FHIT: variants seen among roughly 807,000 people sequenced by gnomAD.
FHIT encodes fragile histidine triad diadenosine triphosphatase, also known as bis(5'-adenosyl)-triphosphatase.
Under a neutral mutation model 17.9 loss-of-function variants are expected in FHIT, and 19 were observed. The ratio of observed to expected loss-of-function variants is 1.06; its 90% CI spans 0.74 to 1.56. FHIT has a LOEUF of 1.56. Among genes scored for constraint, FHIT ranks in the 40% most tolerant of loss-of-function variants. The pLI is 0.00. For missense variants in FHIT, 248 were observed against 189.2 expected, an observed-to-expected ratio of 1.31 and a Z score of -1.82; for synonymous variants, 81 against 69.7, an observed-to-expected ratio of 1.16 and a Z score of -0.81.
At chr3:61,013,813 T>C (rs546406456) in intron 3 of FHIT, among the ~76,000 whole-genome samples, 18 of 152,210 alleles carry the variant, frequency 1.2e-4, no homozygotes, top group Non-Finnish European at 2.2e-4. Context: ...ATATAGTCCC[T>C]GCCTCAACAG....
chr3:60,264,357 T>C (rs1490514731), intron 5 of FHIT, among the ~76,000 whole-genome samples: 1 of 148,508 alleles, frequency 6.7e-6, no homozygotes, highest in Non-Finnish European at 1.5e-5. Flanking sequence ...AAAGCCTTCC[T>C]ACCAATAGTT....
intron 5 of FHIT, among the ~76,000 whole-genome samples, chr3:60,518,266 G>A (rs781373964): frequency 1.8e-4 from 28 of 152,074 alleles, no homozygotes; most frequent in Non-Finnish European, 1.0e-4. Flanking sequence ...GGGTTAATTC[G>A]TAAAAGATCT....
chr3:60,405,206 C>T (rs1203349664), intron 5 of FHIT, among the ~76,000 whole-genome samples: 1 of 152,218 alleles, frequency 6.6e-6, no homozygotes, highest in African/African-American at 2.4e-5. Flanking sequence ...CCATTTGGCA[C>T]ACTTTCCTCT....
At chr3:60,586,260 G>A (rs1553661889) in intron 4 of FHIT, among the ~76,000 whole-genome samples, 1 of 151,974 alleles carries the variant, frequency 6.6e-6, no homozygotes, top group Non-Finnish European at 1.5e-5. Context: ...TAGGAGGACA[G>A]CAATCCTGTG....
At chr3:60,970,022 C>T (rs1709932065) in intron 3 of FHIT, among the ~76,000 whole-genome samples, 1 of 152,058 alleles carries the variant, frequency 6.6e-6, no homozygotes, top group African/African-American at 2.4e-5. Flanking sequence ...TGGGGTTTCG[C>T]CATGTTTTCC....
intron 3 of FHIT, among the ~76,000 whole-genome samples, chr3:61,006,120 G>C (rs1039692472): frequency 6.6e-6 from 1 of 152,044 alleles, no homozygotes; most frequent in African/African-American, 2.4e-5. Context: ...AAAATAAAGA[G>C]CTTGGTAAAC....
At chr3:60,881,661 C>T (rs1260374358) in intron 3 of FHIT, among the ~76,000 whole-genome samples, 1 of 151,976 alleles carries the variant, frequency 6.6e-6, no homozygotes, top group Non-Finnish European at 1.5e-5. Context: ...CAACATGCTC[C>T]TGTATAACCA....
chr3:59,918,646 A>G (rs755955210), intron 8 of FHIT, among the ~76,000 whole-genome samples: 1 of 152,184 alleles, frequency 6.6e-6, no homozygotes, highest in Non-Finnish European at 1.5e-5. Context: ...AGTAGCAGAG[A>G]GAAGAGGAGC....
chr3:61,208,793 A>T (rs1346634622), intron 1 of FHIT, among the ~76,000 whole-genome samples: 1 of 152,012 alleles, frequency 6.6e-6, no homozygotes, highest in African/African-American at 2.4e-5. Flanking sequence ...GTGTCTTTTA[A>T]TTGGAGCATT....
In FHIT at chr3:61,196,493, T is replaced by C. The variant is rs1261438746; in HGVS notation, c.-164+4124A>G. 3.9e-5 allele frequency among the ~76,000 whole-genome samples: 6 copies of C among 152,108 alleles called. No homozygotes were observed. The East Asian group carries it at 1.2e-3, about 29-fold the overall frequency. On this transcript the variant is annotated intron_variant, in intron 2 of 9. Transcript: ENST00000492590. ...ATGTCCATTTCTTAAAAGTGTACAA[T>C]AAAGACTTACTTTTTACCTGGCACA...
chr3:60,745,575 G>A (rs77852163), intron 4 of FHIT, among the ~76,000 whole-genome samples: 168 of 152,144 alleles, frequency 1.1e-3, no homozygotes, highest in African/African-American at 3.9e-3. Context: ...CATTTTGGGG[G>A]GACACAGAGT....
At chr3:60,040,668 T>G (rs1037251042) in intron 5 of FHIT, among the ~76,000 whole-genome samples, 2 of 152,068 alleles carry the variant, frequency 1.3e-5, no homozygotes, top group Non-Finnish European at 2.9e-5. Context: ...TAAGCCTGTA[T>G]CATAAAGATT....
intron 5 of FHIT, among the ~76,000 whole-genome samples, chr3:60,478,482 G>T (rs1339373218): frequency 6.6e-6 from 1 of 152,122 alleles, no homozygotes; most frequent in Non-Finnish European, 1.5e-5. Flanking sequence ...TCATTTCTTA[G>T]TGCCTCTTGC....
chr3:59,791,891 G>A (rs1207401815), intron 8 of FHIT, among the ~76,000 whole-genome samples: 1 of 152,236 alleles, frequency 6.6e-6, no homozygotes, highest in Non-Finnish European at 1.5e-5. Context: ...GAGAGAAAAT[G>A]GCCTTCAGCC....
intron 3 of FHIT, among the ~76,000 whole-genome samples, chr3:60,929,909 A>G (rs1242798740): frequency 5.3e-5 from 8 of 152,236 alleles, no homozygotes; most frequent in Non-Finnish European, 1.2e-4. Context: ...TGCCAAGTCA[A>G]TCCTAAGCCA....
At chr3:61,249,011 A>T (rs1219258532) in intron 1 of FHIT, among the ~76,000 whole-genome samples, 1 of 152,234 alleles carries the variant, frequency 6.6e-6, no homozygotes, top group Admixed American at 6.5e-5. Flanking sequence ...AGAGATGACC[A>T]TATAAAGAAG....
rs57549363 is a variant in FHIT, at chr3:59,764,863, AACACACACACACACAC to A, written c.349-12558_349-12543del. Among the ~76,000 whole-genome samples, 1,346 of 145,746 alleles carry A rather than the reference AACACACACACACACAC, an allele frequency of 9.2e-3. 14 individuals are homozygous for A. Among genetic ancestry groups the A allele is most frequent in the South Asian group, 0.027 (117 of 4,414 alleles). ...GCAACAGAGATGTAAGGCAACTGCA[AACACACACACACACAC>A]ACACACACACACACACACACACACA... On this transcript the variant is annotated intron_variant, in intron 8 of 9. Coordinates refer to ENST00000492590, the MANE Select transcript of FHIT (RefSeq NM_002012.4).
chr3:60,266,570 A>G (rs142604923), intron 5 of FHIT, among the ~76,000 whole-genome samples: 1 of 152,050 alleles, frequency 6.6e-6, no homozygotes, highest in African/African-American at 2.4e-5. Context: ...ATATCTCTCT[A>G]AAGATGTTTG....
intron 2 of FHIT, among the ~76,000 whole-genome samples, chr3:61,137,243 A>G (rs1395898192): frequency 2.0e-5 from 3 of 148,170 alleles, no homozygotes; most frequent in Non-Finnish European, 4.4e-5. Context: ...CTTTTCTAAA[A>G]CGTATCATAG....
Sources: allele counts gnomAD v4.1 joint callset (sites outside exome capture counted in the v4.1 genomes callset), GRCh38; gene constraint gnomAD v4.1.1; transcripts MANE v1.5; gene names NCBI Gene and HGNC (gene_info 2026-07-23, HGNC 2026-07-21).